ZDHHC11: variants seen among roughly 807,000 people sequenced by gnomAD.
The protein encoded by ZDHHC11 is zDHHC palmitoyltransferase 11, also known as palmitoyltransferase ZDHHC11.
A neutral mutation model predicts 51.3 loss-of-function variants in ZDHHC11; 44 were observed. The observed-to-expected ratio is 0.86, with a 90% CI of 0.67 to 1.10. The LOEUF (loss-of-function observed/expected upper bound fraction) is 1.10. Among genes scored for constraint, ZDHHC11 ranks in the 50% least tolerant of loss-of-function variants. ZDHHC11 has a pLI of 0.00. For synonymous variants in ZDHHC11, 163 were observed against 222.0 expected, an observed-to-expected ratio of 0.73 and a Z score of 2.36; for missense variants, 400 against 537.7, an observed-to-expected ratio of 0.74 and a Z score of 2.53.
In ZDHHC11 at chr5:805,945, T is replaced by C. The variant is rs1276967283; in HGVS notation, c.1182-4781A>G. On this transcript the variant is annotated intron_variant, in intron 11 of 12. Transcript: ENST00000283441. ...CAAGGGTGGTAGCTAAGTGTTCATA[T>C]ATGGAACATGTTGCTGACCCCACAC... Among the ~76,000 whole-genome samples the C allele has an allele frequency of 4.0e-5, 6 of 151,152 alleles. No homozygotes were observed. The South Asian group carries it at 1.0e-3, about 26-fold the overall frequency.
In ZDHHC11 at chr5:825,073, T is replaced by A. The variant is rs1461011362; in HGVS notation, c.1023+91A>T. ...GGACACAGAGTGCTTCCATTCTGAA[T>A]ACTGCCTTAACCTCAGCTTGGGGGA... On this transcript the variant is annotated intron_variant, in intron 8 of 12. Coordinates refer to ENST00000283441, the MANE Select transcript of ZDHHC11 (RefSeq NM_024786.3). 37 of 1,323,316 alleles carry A rather than the reference T, an allele frequency of 2.8e-5. 2 individuals carry two copies. Among genetic ancestry groups the A allele is most frequent in the Non-Finnish European group, 3.8e-5 (35 of 921,136 alleles). 82.0% of individuals were successfully genotyped at this position (1,323,316 alleles called of 1,614,324 possible).
intron 5 of ZDHHC11, among the ~76,000 whole-genome samples, chr5:838,384 T>C (rs1327964648): frequency 6.6e-6 from 1 of 152,096 alleles, no homozygotes; most frequent in African/African-American, 2.4e-5. Context: ...ACCAACACCG[T>C]GAGAGCCGAT....
intron 5 of ZDHHC11, among the ~76,000 whole-genome samples, chr5:838,324 C>T (rs1320320404): frequency 2.6e-5 from 4 of 152,040 alleles, no homozygotes; most frequent in Non-Finnish European, 5.9e-5. Flanking sequence ...CCTATTTCAG[C>T]CACGAGCTTC....
intron 9 of ZDHHC11, among the ~76,000 whole-genome samples, chr5:820,810 A>C (rs1741467746): frequency 6.6e-6 from 1 of 151,430 alleles, no homozygotes; most frequent in South Asian, 2.1e-4. Context: ...AAATGAAAAA[A>C]TCTTTAGAGG....
intron 8 of ZDHHC11, chr5:823,938 C>T (rs1255932091): frequency 1.7e-5 from 7 of 404,592 alleles, no homozygotes; most frequent in East Asian, 7.2e-5. Flanking sequence ...AATCGATTTC[C>T]ACCGAGTGTG....
chr5:851,371 C>G (rs1009370130), upstream of ZDHHC11, among the ~76,000 whole-genome samples: 1 of 146,006 alleles, frequency 6.8e-6, no homozygotes, highest in South Asian at 2.1e-4. Flanking sequence ...CGTGGTGTCA[C>G]AGAGCGGCAG....
chr5:824,527 T>C (rs1209158562), intron 8 of ZDHHC11, among the ~76,000 whole-genome samples: 2 of 151,478 alleles, frequency 1.3e-5, no homozygotes, highest in African/African-American at 4.8e-5. Context: ...CAGAAATATG[T>C]GGCCCTAAAG....
At chr5:824,781 A>AC (rs1561257202) in intron 8 of ZDHHC11, among the ~76,000 whole-genome samples, 6 of 151,084 alleles carry the variant, frequency 4.0e-5, no homozygotes, top group African/African-American at 1.5e-4. Flanking sequence ...AAAAAAAAAA[A>AC]AAAACAGCAC....
chr5:851,092 C>G (rs145050830), upstream of ZDHHC11: 485 of 169,596 alleles, frequency 2.9e-3, 2 homozygotes, highest in South Asian at 0.028. Context: ...TGAGGCAATG[C>G]CTGAAGAGCT....
chr5:823,879 G>C, intron 8 of ZDHHC11: 1 of 362,872 alleles, frequency 2.8e-6, no homozygotes, highest in Non-Finnish European at 5.6e-6. Context: ...GCCACATGCA[G>C]TGAGGGAACT....
At chr5:841,960 C>A (rs1745057115) in intron 4 of ZDHHC11, 1 of 989,648 alleles carries the variant, frequency 1.0e-6, no homozygotes, top group Non-Finnish European at 1.2e-6. Context: ...AGGACCGCAG[C>A]TCCATGTGCC....
intron 3 of ZDHHC11, among the ~76,000 whole-genome samples, chr5:846,457 G>T (rs534990707): frequency 6.6e-6 from 1 of 150,952 alleles, no homozygotes; most frequent in Non-Finnish European, 1.5e-5. Flanking sequence ...GTGCTCAGGG[G>T]AAACACCTCT....
rs187647331 is a variant in ZDHHC11, at chr5:837,728, C to T, written c.785-248G>A. Among the ~76,000 whole-genome samples, 292 of 151,976 alleles carry T rather than the reference C, an allele frequency of 1.9e-3. 7 individuals carry two copies. The highest frequency in any genetic ancestry group is 0.016 in the Admixed American group (243 of 15,274). ...CGACCTGGGGAACAGTGCTGACCCA[C>T]GCCCCTGCCGCCTGCCACGGCCTCA... On this transcript the variant is annotated intron_variant, in intron 5 of 12. Transcript: ENST00000283441.
At chr5:847,129 T>C (rs531101252) in intron 3 of ZDHHC11, among the ~76,000 whole-genome samples, 1 of 151,908 alleles carries the variant, frequency 6.6e-6, no homozygotes, top group East Asian at 1.9e-4. Context: ...GAAACACCTC[T>C]CGCCCATCTG....
intron 5 of ZDHHC11, among the ~76,000 whole-genome samples, chr5:838,158 C>T (rs2150382010): frequency 6.6e-6 from 1 of 152,070 alleles, no homozygotes; most frequent in South Asian, 2.1e-4. Flanking sequence ...CAGCCCTGCA[C>T]AGTGCCCACA....
intron 2 of ZDHHC11, among the ~76,000 whole-genome samples, chr5:847,946 G>T (rs1359578293): frequency 1.3e-5 from 2 of 151,816 alleles, no homozygotes; most frequent in Admixed American, 6.5e-5. Context: ...CATGGTTCCA[G>T]GAGTTGAGGC....
intron 3 of ZDHHC11, among the ~76,000 whole-genome samples, chr5:846,652 G>C (rs1333681293): frequency 6.8e-6 from 1 of 147,388 alleles, no homozygotes; most frequent in Non-Finnish European, 1.5e-5. Flanking sequence ...CGTGCTCAGG[G>C]GAAATACCTC....
chr5:837,950 G>A (rs1234142710), intron 5 of ZDHHC11, among the ~76,000 whole-genome samples: 5 of 151,886 alleles, frequency 3.3e-5, no homozygotes, highest in African/African-American at 9.7e-5. Flanking sequence ...TGGGTGGGGC[G>A]CACCTTGGGG....
chr5:850,572 C>T lies in ZDHHC11; in HGVS notation c.31G>A (p.Val11Ile), dbSNP rs150354646. 45 of 1,613,342 alleles carry T rather than the reference C, an allele frequency of 2.8e-5. No homozygotes were observed. The highest frequency in any genetic ancestry group is 1.2e-4 in the Admixed American group (7 of 60,008). ...TTATTGAGTATGGCTTCTGGGGTGA[C>T]GGAACACTGGCTCCCGGAGCGGGTG... MDTRSGSQCS[V>I]TPEAILNNEK... Residue 11 changes from valine (V) to isoleucine (I), a missense_variant, in exon 1 of 13, where the codon GTC becomes ATC. By Grantham distance (29) the Val-to-Ile change is conservative. This residue lies in a region of ZDHHC11 where 119 missense variants were observed against 99.6 expected (regional missense o/e 1.20). Transcript: ENST00000283441.
Sources: allele counts gnomAD v4.1 joint callset (sites outside exome capture counted in the v4.1 genomes callset), GRCh38; gene constraint gnomAD v4.1.1; regional missense constraint gnomAD v4.1.1; transcripts MANE v1.5; gene names NCBI Gene and HGNC (gene_info 2026-07-23, HGNC 2026-07-21).